Variants in CDH12 observed in about 807,000 individuals in gnomAD.
CDH12 encodes cadherin-12.
In CDH12, 41 loss-of-function variants were observed where a neutral mutation model predicts 74.1. The ratio of observed to expected loss-of-function variants is 0.55; its 90% CI spans 0.43 to 0.72. CDH12 has a LOEUF of 0.72. CDH12 is among the 30% of genes least tolerant of loss of function. CDH12 has a pLI of 0.00. For synonymous variants in CDH12, 399 were observed against 355.0 expected, an observed-to-expected ratio of 1.12 and a Z score of -1.39; for missense variants, 945 against 977.2, an observed-to-expected ratio of 0.97 and a Z score of 0.44.
intron 5 of CDH12, among the ~76,000 whole-genome samples, chr5:22,008,856 T>C (rs567668347): frequency 4.1e-4 from 62 of 152,272 alleles, no homozygotes; most frequent in Non-Finnish European, 7.8e-4. Flanking sequence ...GGAGAGCCCA[T>C]GGAGAAGAAT....
At chr5:21,798,814 T>G (rs188941231) in intron 10 of CDH12, among the ~76,000 whole-genome samples, 316 of 152,276 alleles carry the variant, frequency 2.1e-3, no homozygotes, top group Non-Finnish European at 3.5e-3. Flanking sequence ...ATATGTTTTT[T>G]GCTGAAGCCA....
Position 22,256,016 on chromosome 5 carries a change from T to C in CDH12, c.-332-43373A>G, listed in dbSNP as rs181026671. ...ACCTCTAAATGCATACAGCATCCAG[T>C]CTTCAAACCATCTTATATTATCACT... On this transcript the variant is annotated intron_variant, in intron 3 of 14. Coordinates refer to ENST00000382254, the MANE Select transcript of CDH12 (RefSeq NM_004061.5). 1.8e-4 allele frequency among the ~76,000 whole-genome samples: 28 copies of C among 152,220 alleles called. No individual in the cohort carries two copies. The East Asian group carries it at 2.5e-3, about 14-fold the overall frequency.
intron 1 of CDH12, among the ~76,000 whole-genome samples, chr5:22,565,621 G>C (rs190245632): frequency 7.2e-5 from 11 of 152,038 alleles, no homozygotes. Flanking sequence ...AAGTCACAAA[G>C]AGCCCTTATT....
At chr5:21,814,216 C>T (rs1044357341) in intron 9 of CDH12, among the ~76,000 whole-genome samples, 1 of 150,088 alleles carries the variant, frequency 6.7e-6, no homozygotes, top group Non-Finnish European at 1.5e-5. Flanking sequence ...TCAAGATTAT[C>T]TACCCTATCT....
intron 2 of CDH12, among the ~76,000 whole-genome samples, chr5:22,460,217 T>C (rs764581541): frequency 7.9e-5 from 12 of 152,206 alleles, no homozygotes; most frequent in Non-Finnish European, 1.8e-4. Flanking sequence ...ACCTGTAATA[T>C]AATTTATTTT....
intron 1 of CDH12, among the ~76,000 whole-genome samples, chr5:22,703,655 C>T (rs141495498): frequency 6.6e-6 from 1 of 152,216 alleles, no homozygotes; most frequent in East Asian, 1.9e-4. Context: ...ATTCTTTGAA[C>T]CCTATCTTCC....
intron 8 of CDH12, among the ~76,000 whole-genome samples, chr5:21,825,817 A>C (rs191700554): frequency 2.6e-5 from 4 of 152,116 alleles, no homozygotes; most frequent in Non-Finnish European, 5.9e-5. Context: ...GCACTCTACT[A>C]TCATAGTTTC....
intron 1 of CDH12, among the ~76,000 whole-genome samples, chr5:22,778,983 G>T (rs1159618830): frequency 1.3e-5 from 2 of 152,032 alleles, no homozygotes; most frequent in East Asian, 3.9e-4. Flanking sequence ...TATAAAGGCT[G>T]TCCAGAATTT....
chr5:21,795,797 T>C (rs1156394336), intron 10 of CDH12, among the ~76,000 whole-genome samples: 9 of 151,970 alleles, frequency 5.9e-5, no homozygotes, highest in Non-Finnish European at 1.5e-5. Context: ...AACTTACGTT[T>C]TTGCACACAT....
chr5:22,291,998 A>G (rs949800091), intron 3 of CDH12, among the ~76,000 whole-genome samples: 1 of 152,198 alleles, frequency 6.6e-6, no homozygotes, highest in African/African-American at 2.4e-5. Context: ...GTACTGGCAT[A>G]AAAAGAGACT....
chr5:21,760,506 C>A (rs1406461352), intron 13 of CDH12, 52 bp downstream of exon 13: 9 of 874,172 alleles, frequency 1.0e-5, no homozygotes, highest in African/African-American at 1.7e-5. Flanking sequence ...CCCTTTGTGC[C>A]TTTTTACAAA....
chr5:22,823,360 C>T (rs180988468), intron 1 of CDH12, among the ~76,000 whole-genome samples: 1 of 151,910 alleles, frequency 6.6e-6, no homozygotes, highest in Admixed American at 6.6e-5. Flanking sequence ...TTGTGCACAT[C>T]TATCCTAAAA....
intron 3 of CDH12, among the ~76,000 whole-genome samples, chr5:22,375,161 A>C (rs1281144427): frequency 6.6e-6 from 1 of 152,082 alleles, no homozygotes; most frequent in Non-Finnish European, 1.5e-5. Flanking sequence ...TTTACGTCCA[A>C]CTGATTTTTG....
chr5:22,015,697 C>T (rs926149415), intron 5 of CDH12, among the ~76,000 whole-genome samples: 12 of 152,204 alleles, frequency 7.9e-5, no homozygotes, highest in Admixed American at 1.3e-4. Flanking sequence ...AGAGTCCCAG[C>T]GTAATTTTGC....
At chr5:22,488,129 G>A (rs1329076090) in intron 2 of CDH12, among the ~76,000 whole-genome samples, 3 of 152,146 alleles carry the variant, frequency 2.0e-5, no homozygotes, top group African/African-American at 7.2e-5. Flanking sequence ...AGTTTAACAT[G>A]ATTTGACACA....
At chr5:22,568,107 C>T (rs1197848538) in intron 1 of CDH12, among the ~76,000 whole-genome samples, 1 of 152,030 alleles carries the variant, frequency 6.6e-6, no homozygotes, top group East Asian at 1.9e-4. Context: ...ACTGGAAAAC[C>T]TAAGAACTGG....
At chr5:21,807,250 A>G (rs1041285534) in intron 9 of CDH12, among the ~76,000 whole-genome samples, 4 of 152,136 alleles carry the variant, frequency 2.6e-5, no homozygotes, top group African/African-American at 4.8e-5. Context: ...GACATCCCCA[A>G]CGAATCAGCA....
At chr5:22,306,626 C>A (rs1241437561) in intron 3 of CDH12, among the ~76,000 whole-genome samples, 1 of 152,094 alleles carries the variant, frequency 6.6e-6, no homozygotes, top group Admixed American at 6.5e-5. Flanking sequence ...GTTTCTAGCA[C>A]ACACTTTGTG....
chr5:22,318,762 T>C (rs1738735317), intron 3 of CDH12, among the ~76,000 whole-genome samples: 1 of 152,214 alleles, frequency 6.6e-6, no homozygotes, highest in South Asian at 2.1e-4. Context: ...CATGCTTGTA[T>C]ATGTACATGT....
Sources: allele counts gnomAD v4.1 joint callset (sites outside exome capture counted in the v4.1 genomes callset), GRCh38; gene constraint gnomAD v4.1.1; transcripts MANE v1.5; gene names NCBI Gene and HGNC (gene_info 2026-07-23, HGNC 2026-07-21).